Variants in MYCBP2 observed in about 807,000 individuals in gnomAD.
MYCBP2 encodes MYC binding protein 2.
A neutral mutation model predicts 525.3 loss-of-function variants in MYCBP2; 120 were observed. The observed-to-expected ratio is 0.23, with a 90% CI of 0.20 to 0.27. The LOEUF (loss-of-function observed/expected upper bound fraction) is 0.27, where lower values mean the gene tolerates loss of function less well. MYCBP2 is among the 10% of genes least tolerant of loss of function. The probability of loss-of-function intolerance (pLI) is 1.00; values close to 1 mark genes in which losing one functional copy is unlikely to be tolerated. For synonymous variants in MYCBP2, 1,894 were observed against 1,955.8 expected, an observed-to-expected ratio of 0.97 and a Z score of 0.83; for missense variants, 4,149 against 5,657.1, an observed-to-expected ratio of 0.73 and a Z score of 8.55.
intron 52 of MYCBP2, among the ~76,000 whole-genome samples, chr13:77,136,233 C>T (rs2053741250): frequency 6.6e-6 from 1 of 152,218 alleles, no homozygotes; most frequent in Non-Finnish European, 1.5e-5. Flanking sequence ...GTAGTGACTT[C>T]CACGTGCACT....
Position 77,283,017 on chromosome 13 carries a change from AC to A in MYCBP2, c.595-4107del, listed in dbSNP as rs1428522983. On this transcript the variant is annotated intron_variant, in intron 3 of 82. Transcript: ENST00000544440. The stretch of plus-strand genomic sequence containing the variant: ...TCCTCTGTCTCCAGTCTCACTCACC[AC>A]CCTGTAGTTATGGATATGCCTTACT... Among the ~76,000 whole-genome samples the A allele has an allele frequency of 4.6e-5, 7 of 152,014 alleles. No individual in the cohort carries two copies. The East Asian group carries it at 1.4e-3, about 30-fold the overall frequency.
At chr13:77,062,465 G>C in intron 74 of MYCBP2, 131 bp downstream of exon 74, 1 of 753,172 alleles carries the variant, frequency 1.3e-6, no homozygotes, top group Non-Finnish European at 2.2e-6. Context: ...TGGCCGAAGG[G>C]ACACAATCTT....
intron 72 of MYCBP2, 100 bp from the exon 73 acceptor site, chr13:77,064,834 G>T (rs1025690832): frequency 8.6e-7 from 1 of 1,158,048 alleles, no homozygotes; most frequent in Non-Finnish European, 1.1e-6. Flanking sequence ...GGAAATATTT[G>T]TTTTTAGTGA....
At chr13:77,211,735 C>G (rs1224523321) in intron 22 of MYCBP2, among the ~76,000 whole-genome samples, 1 of 152,222 alleles carries the variant, frequency 6.6e-6, no homozygotes, top group Non-Finnish European at 1.5e-5. Flanking sequence ...CTACCACTGT[C>G]TAGCTCACAA....
intron 58 of MYCBP2, 144 bp from the exon 59 acceptor site, chr13:77,093,476 T>C: frequency 1.5e-6 from 1 of 663,230 alleles, no homozygotes; most frequent in Non-Finnish European, 2.4e-6. Context: ...TGTAGGTAGG[T>C]GAAAATAAAA....
At chr13:77,164,013 A>C (rs551622008) in intron 43 of MYCBP2, among the ~76,000 whole-genome samples, 5 of 152,312 alleles carry the variant, frequency 3.3e-5, no homozygotes, top group Middle Eastern at 6.8e-3. Flanking sequence ...TACTTGCTGT[A>C]GAATATCTTT....
At chr13:77,297,834 G>A (rs1289477779) in intron 1 of MYCBP2, among the ~76,000 whole-genome samples, 1 of 152,114 alleles carries the variant, frequency 6.6e-6, no homozygotes, top group African/African-American at 2.4e-5. Flanking sequence ...AACAGTTATT[G>A]AATCTGTCCA....
intron 17 of MYCBP2, among the ~76,000 whole-genome samples, chr13:77,241,719 T>C (rs1425660635): frequency 6.6e-6 from 1 of 152,160 alleles, no homozygotes; most frequent in Non-Finnish European, 1.5e-5. Context: ...ACATCACTTA[T>C]CAGATGCTAT....
chr13:77,061,382 A>C lies in MYCBP2; in HGVS notation c.12904-81T>G, dbSNP rs901946425. The C allele has an allele frequency of 1.1e-5, 13 of 1,210,432 alleles. No individual in the cohort carries two copies. The Admixed American group carries it at 2.5e-4, about 24-fold the overall frequency. 75.0% of individuals were successfully genotyped at this position (1,210,432 alleles called of 1,614,324 possible). A position where few individuals can be genotyped will look rare whatever the true frequency, so the allele number is the denominator to read the frequency against. On this transcript the variant is annotated intron_variant, in intron 75 of 82. Coordinates refer to ENST00000544440, the MANE Select transcript of MYCBP2 (RefSeq NM_015057.5). ...AGAGTATAAAATTTAATTATTCAAT[A>C]ATAATAATGGCTTTCATTTAAGCAC...
intron 58 of MYCBP2, among the ~76,000 whole-genome samples, chr13:77,093,700 T>C (rs1402106720): frequency 1.3e-5 from 2 of 152,152 alleles, no homozygotes; most frequent in Non-Finnish European, 2.9e-5. Context: ...GATATTAGGT[T>C]TCCTCTCAGA....
At chr13:77,196,903 G>T (rs2061817124) in intron 26 of MYCBP2, among the ~76,000 whole-genome samples, 1 of 152,162 alleles carries the variant, frequency 6.6e-6, no homozygotes, top group African/African-American at 2.4e-5. Flanking sequence ...ATGAGGAAGA[G>T]AATACTTTTA....
At chr13:77,146,528 A>G (rs924699347) in intron 47 of MYCBP2, among the ~76,000 whole-genome samples, 2 of 152,090 alleles carry the variant, frequency 1.3e-5, no homozygotes, top group African/African-American at 4.8e-5. Context: ...TCCACCTTGG[A>G]GAAGGAGATT....
chr13:77,256,838 A>C (rs1393110975), intron 14 of MYCBP2, among the ~76,000 whole-genome samples: 1 of 152,108 alleles, frequency 6.6e-6, no homozygotes, highest in African/African-American at 2.4e-5. Flanking sequence ...TCCCCAAAAA[A>C]CTGAAACTAG....
chr13:77,125,547 G>A (rs1000336159), intron 53 of MYCBP2, 79 bp from the exon 54 acceptor site: 18 of 1,497,134 alleles, frequency 1.2e-5, no homozygotes, highest in African/African-American at 2.8e-5. Flanking sequence ...AAAATCTTAC[G>A]TGTCTGAATA....
At chr13:77,129,448 T>C (rs750738635) in intron 52 of MYCBP2, 4 of 336,986 alleles carry the variant, frequency 1.2e-5, no homozygotes, top group Non-Finnish European at 2.1e-5. Flanking sequence ...TCCATGGATA[T>C]AGTGTGTCAT....
intron 55 of MYCBP2, chr13:77,100,005 C>G (rs2046822554): frequency 6.6e-6 from 1 of 152,040 alleles, no homozygotes; most frequent in Non-Finnish European, 1.5e-5. Context: ...ATAAAAACTT[C>G]TACTCTTAGT....
Position 77,211,213 on chromosome 13 carries a change from G to T in MYCBP2, c.3370C>A (p.Gln1124Lys). Reference protein sequence around the residue: ...TFNDSEQEDLQGFGVCLDPVY... With the variant: ...TFNDSEQEDLKGFGVCLDPVY... ...GGATCAAGACACACACCAAATCCTT[G>T]CAGATCCTCTTGTTCTGAGTCATTA... The change falls in exon 23 of 83, where the codon CAA becomes AAA. Residue 1124 changes from glutamine to lysine, a missense_variant. Coordinates refer to ENST00000544440, the MANE Select transcript of MYCBP2 (RefSeq NM_015057.5). 6.5e-7 allele frequency: 1 copy of T among 1,528,918 alleles called. No homozygotes were observed. The highest frequency in any genetic ancestry group is 1.3e-5 in the South Asian group (1 of 76,458). The allele number at this position is 1,528,918 out of a possible 1,614,324, so 94.7% of individuals were successfully genotyped here.
At chr13:77,317,219 T>C (rs9530636) in intron 1 of MYCBP2, among the ~76,000 whole-genome samples, 2,122 of 152,348 alleles carry the variant, frequency 0.014, 20 homozygotes, top group Non-Finnish European at 0.022. Flanking sequence ...CCCAAAGTGC[T>C]GGGATTACAG....
chr13:77,307,642 A>C (rs1008204053), intron 1 of MYCBP2, among the ~76,000 whole-genome samples: 10 of 150,540 alleles, frequency 6.6e-5, no homozygotes, highest in Non-Finnish European at 8.9e-5. Context: ...AAAAAAAAAA[A>C]AAAAAAAAAA....
Sources: allele counts gnomAD v4.1 joint callset (sites outside exome capture counted in the v4.1 genomes callset), GRCh38; gene constraint gnomAD v4.1.1; transcripts MANE v1.5; gene names NCBI Gene and HGNC (gene_info 2026-07-23, HGNC 2026-07-21).